Variants in CACNA1S observed in about 807,000 individuals in gnomAD.
The protein encoded by CACNA1S is voltage-dependent L-type calcium channel subunit alpha-1S.
Under a neutral mutation model 207.4 loss-of-function variants are expected in CACNA1S, and 126 were observed. That is an observed-to-expected ratio of 0.61 (90% confidence interval 0.53 to 0.70). CACNA1S has a LOEUF of 0.70. Among genes scored for constraint, CACNA1S ranks in the 30% least tolerant of loss-of-function variants. The pLI, the probability that CACNA1S is intolerant of heterozygous loss-of-function variation, is 0.00. For synonymous variants in CACNA1S, 960 were observed against 932.7 expected (o/e 1.03, Z -0.53); for missense variants, 2,349 against 2,422.8 (o/e 0.97, Z 0.64).
At chr1:201,059,738 T>C (rs760223147) in intron 26 of CACNA1S, among the ~76,000 whole-genome samples, 4 of 152,202 alleles carry the variant, frequency 2.6e-5, no homozygotes, top group Non-Finnish European at 5.9e-5. Flanking sequence ...TATCACTGGC[T>C]ACTAGTGGGA....
At position 201,077,869 on chromosome 1, in the gene CACNA1S, C is replaced by T. The variant is rs374195664; in HGVS notation, c.1619+10G>A. 226 of 1,604,736 alleles carry T rather than the reference C, an allele frequency of 1.4e-4. 1 individual carries two copies. Among genetic ancestry groups the T allele is most frequent in the Non-Finnish European group, 1.6e-4 (187 of 1,171,902 alleles). ...GGGACCCGGGAGTGCCAGCCGACCC[C>T]GGCACTCACTTGGTGATCTTGAAGA... On this transcript the variant is annotated intron_variant, in intron 11 of 43. Transcript: ENST00000362061.
At position 201,039,944 on chromosome 1, in the gene CACNA1S, C is replaced by G; in HGVS notation, c.5509G>C (p.Glu1837Gln). The change falls in exon 44 of 44, where the codon GAG becomes CAG. Residue 1837 changes from glutamate to glutamine, a missense_variant. By Grantham distance (29) the Glu-to-Gln change is conservative (BLOSUM62 2). Coordinates refer to ENST00000362061, the MANE Select transcript of CACNA1S (RefSeq NM_000069.3). ...GAGCTGGCCATGCCCTCTGGGGCCT[C>G]TCGTCCTTTCAGTAGCTCTGTTGCC... The part of the protein sequence containing the change: ...IMATELLKGR[E>Q]APEGMASSLG... The G allele has an allele frequency of 3.1e-6, 5 of 1,614,212 alleles. No homozygotes were observed. Among genetic ancestry groups the G allele is most frequent in the Non-Finnish European group, 4.2e-6 (5 of 1,180,044 alleles).
chr1:201,083,316 A>C lies in CACNA1S; in HGVS notation c.1239T>G (p.His413Gln). Residue 413 changes from histidine to glutamine, a missense_variant, in exon 10 of 44, where the codon CAT becomes CAG. By Grantham distance (24) the His-to-Gln change is conservative (BLOSUM62 0). Transcript: ENST00000362061. ...GLNKIIQFIR[H>Q]WRQWNRIFRW... The stretch of plus-strand genomic sequence containing the variant: ...GAAAGATGCGGTTCCACTGCCTCCA[A>C]TGTCGGCTGAGGGAGGGGACAGAGG... 6.2e-7 allele frequency: 1 copy of C among 1,614,164 alleles called. No individual in the cohort carries two copies. The highest frequency in any genetic ancestry group is 8.5e-7 in the Non-Finnish European group (1 of 1,179,976).
chr1:201,062,544 G>A (rs992340680), intron 22 of CACNA1S, 30 bp from the exon 23 acceptor site: 9 of 1,438,536 alleles, frequency 6.3e-6, no homozygotes, highest in African/African-American at 2.8e-5. Flanking sequence ...GGGAGGGAGG[G>A]AGGCATGTTG....
intron 10 of CACNA1S, among the ~76,000 whole-genome samples, chr1:201,081,659 C>T (rs1187110589): frequency 6.6e-6 from 1 of 152,224 alleles, no homozygotes. Flanking sequence ...GACAGCCCTG[C>T]CCAAATCTCA....
Position 201,112,295 on chromosome 1 carries a change from C to G in CACNA1S, c.45G>C (p.Gln15His), listed in dbSNP as rs1412221314. The G allele has an allele frequency of 3.1e-6, 5 of 1,614,036 alleles. No homozygotes were observed. Among genetic ancestry groups the G allele is most frequent in the South Asian group, 1.1e-5 (1 of 91,076 alleles). The change falls in exon 1 of 44, where the codon CAG becomes CAC. Residue 15 changes from glutamine (Q) to histidine (H), a missense_variant. Gln to His is a conservative substitution (Grantham distance 24). Transcript: ENST00000362061. ...SPQDEGLRKK[Q>H]PKKPVPEILP... ...GAATCTCAGGAACTGGCTTCTTGGG[C>G]TGTTTCTTCCTCAGGCCTTCATCCT...
chr1:201,078,517 CAAA>C (rs10581578), intron 10 of CACNA1S, among the ~76,000 whole-genome samples: 38,925 of 121,580 alleles, frequency 0.32, 6,271 homozygotes, highest in East Asian at 0.71. Context: ...AAATTAGCTT[CAAA>C]AAAAAAAAAA....
rs201528828 is a variant in CACNA1S at position 201,069,554 on chromosome 1, T to C, written c.2408A>G (p.Asn803Ser). 3.2e-6 allele frequency: 5 copies of C among 1,576,016 alleles called. No homozygotes were observed. The highest frequency in any genetic ancestry group is 1.3e-5 in the African/African-American group (1 of 74,752). ...GAGCAGGATGAAGAGCAGGATGAAG[T>C]TGGTAAACCAGGTGGCATTGACGAT... is the stretch of plus-strand genomic sequence containing the variant. ...HRIVNATWFT[N>S]FILLFILLSS... is the part of the protein sequence containing the mutation. Residue 803 changes from asparagine (N) to serine (S), a missense_variant, in exon 18 of 44, where the codon AAC becomes AGC. Asn to Ser is a conservative substitution (Grantham distance 46). Transcript: ENST00000362061.
chr1:201,076,198 C>T (rs1192909945), intron 12 of CACNA1S, among the ~76,000 whole-genome samples: 1 of 152,226 alleles, frequency 6.6e-6, no homozygotes, highest in Non-Finnish European at 1.5e-5. Flanking sequence ...TGTGCTTCAC[C>T]CACCCAGGCC....
rs184905789 is a variant in CACNA1S, at chr1:201,102,836, C to T, written c.258+7328G>A. ...ACAGTATGCCTGGGACACCTGGGTA[C>T]ATTTGTCAGATCCCGCCCTCAATCC... is the stretch of plus-strand genomic sequence containing the variant. On this transcript the variant is annotated intron_variant, in intron 2 of 43. Transcript: ENST00000362061. 6.5e-4 allele frequency among the ~76,000 whole-genome samples: 99 copies of T among 152,272 alleles called. No individual in the cohort carries two copies. In the South Asian group the frequency reaches 9.1e-3, roughly 14 times the overall value.
At chr1:201,100,798 C>T (rs577768820) in intron 2 of CACNA1S, among the ~76,000 whole-genome samples, 4 of 151,758 alleles carry the variant, frequency 2.6e-5, no homozygotes, top group East Asian at 1.9e-4. Flanking sequence ...CTTATGAGCC[C>T]GGCCCTATTC....
At chr1:201,048,492 G>T in intron 36 of CACNA1S, 90 bp downstream of exon 36, 6 of 1,116,024 alleles carry the variant, frequency 5.4e-6, no homozygotes, top group South Asian at 3.8e-5. Context: ...GTTCTTAAGA[G>T]CAATCTTGAG....
chr1:201,097,583 C>A (rs1259254359), intron 2 of CACNA1S, among the ~76,000 whole-genome samples: 3 of 152,208 alleles, frequency 2.0e-5, no homozygotes, highest in Non-Finnish European at 4.4e-5. Flanking sequence ...TAACCCTGTG[C>A]TTCTCTTTGC....
At chr1:201,061,585 A>G (rs1351815088) in intron 24 of CACNA1S, 117 bp from the exon 25 acceptor site, 2 of 999,306 alleles carry the variant, frequency 2.0e-6, no homozygotes, top group Admixed American at 2.2e-5. Context: ...CCTTCTCAAC[A>G]ATCAAGTTAC....
At chr1:201,110,382 C>A in intron 1 of CACNA1S, 113 bp from the exon 2 acceptor site, 1 of 919,212 alleles carries the variant, frequency 1.1e-6, no homozygotes, top group Non-Finnish European at 1.8e-6. Flanking sequence ...GGCTGCTGGA[C>A]AGGCTCATGG....
chr1:201,085,523 C>G lies in CACNA1S; in HGVS notation c.1063G>C (p.Glu355Gln). Residue 355 changes from glutamate to glutamine, a missense_variant, in exon 8 of 44, where the codon GAG becomes CAG. Coordinates refer to ENST00000362061, the MANE Select transcript of CACNA1S (RefSeq NM_000069.3). Reference sequence around the variant, plus strand: ...AGGTCCTCATCTAGTTGCTGCTTCTCCCGGAGCTTCTGGAAGGTTCCCCTG... The same window carrying G: ...AGGTCCTCATCTAGTTGCTGCTTCTGCCGGAGCTTCTGGAAGGTTCCCCTG... ...KSRGTFQKLREKQQLDEDLRG... is the reference protein window; with the variant it reads ...KSRGTFQKLRQKQQLDEDLRG... 1 of 1,613,404 alleles carries G rather than the reference C, an allele frequency of 6.2e-7. No homozygotes were observed. Among genetic ancestry groups the G allele is most frequent in the Non-Finnish European group, 8.5e-7 (1 of 1,179,930 alleles).
At chr1:201,070,174 TA>T in intron 17 of CACNA1S, 97 bp downstream of exon 17, 9 of 1,307,748 alleles carry the variant, frequency 6.9e-6, no homozygotes, top group Non-Finnish European at 9.9e-6. Context: ...TCTCATAGTA[TA>T]ACTGTAGGCA....
chr1:201,066,459 C>T lies in CACNA1S; in HGVS notation c.2658-143G>A, dbSNP rs1435509375. The T allele has an allele frequency of 2.7e-6, 2 of 739,250 alleles. No homozygotes were observed. Among genetic ancestry groups the T allele is most frequent in the East Asian group, 2.6e-5 (1 of 38,026 alleles). The allele number at this position is 739,250 out of a possible 1,614,324, so 45.8% of individuals were successfully genotyped here. A position where few individuals can be genotyped will look rare whatever the true frequency, so the allele number is the denominator to read the frequency against. On this transcript the variant is annotated intron_variant, in intron 20 of 43. Transcript: ENST00000362061. This position sits in a 1 kb window ranked among gnomAD's most constrained non-coding sequence, Gnocchi z 4.3. ...CTCCCACCTTCCCCTTCCCTTTCCT[C>T]CAGCCGTGAGAGTGTGCCCGACTCC...
chr1:201,045,720 G>A (rs921603725), intron 38 of CACNA1S, among the ~76,000 whole-genome samples: 2 of 130,026 alleles, frequency 1.5e-5, no homozygotes, highest in Non-Finnish European at 1.6e-5. Flanking sequence ...GGGCGACAGC[G>A]AGACTCTTGT....
Sources: allele counts gnomAD v4.1 joint callset (sites outside exome capture counted in the v4.1 genomes callset), GRCh38; gene constraint gnomAD v4.1.1; non-coding constraint Gnocchi (gnomAD v3.1); transcripts MANE v1.5; gene names NCBI Gene and HGNC (gene_info 2026-07-23, HGNC 2026-07-21).